Variants in SLC45A4 observed in about 807,000 individuals in gnomAD.
SLC45A4 encodes the protein polyamine-transporter SLC45A4.
SLC45A4 carries 32 observed loss-of-function variants against 63.7 expected under a neutral mutation model. That is an observed-to-expected ratio of 0.50 (90% CI 0.38 to 0.67). The LOEUF (loss-of-function observed/expected upper bound fraction) is 0.67. Among genes scored for constraint, SLC45A4 ranks in the 30% least tolerant of loss-of-function variants. The pLI, the probability that SLC45A4 is intolerant of heterozygous loss-of-function variation, is 0.00. For missense variants in SLC45A4, 1,027 were observed against 1,157.7 expected, an observed-to-expected ratio of 0.89 and a Z score of 1.64; for synonymous variants, 535 against 510.0, an observed-to-expected ratio of 1.05 and a Z score of -0.66.
At chr8:141,268,727 T>C (rs1290797251) in intron 1 of SLC45A4, among the ~76,000 whole-genome samples, 2 of 152,182 alleles carry the variant, frequency 1.3e-5, no homozygotes, top group Non-Finnish European at 2.9e-5. Context: ...AAACTCTTCA[T>C]GAGAAAGGAA....
intron 2 of SLC45A4, among the ~76,000 whole-genome samples, chr8:141,222,220 C>T (rs979129077): frequency 1.2e-4 from 19 of 152,242 alleles, no homozygotes; most frequent in Admixed American, 1.2e-3. Flanking sequence ...AAGAGCAGGA[C>T]GGTGACTGCA....
intron 1 of SLC45A4, among the ~76,000 whole-genome samples, chr8:141,272,698 T>G (rs1829587402): frequency 6.6e-6 from 1 of 152,126 alleles, no homozygotes; most frequent in African/African-American, 2.4e-5. Context: ...CTCTGCCCGC[T>G]GCCCCTCAGT....
Position 141,212,260 on chromosome 8 carries a change from C to T in SLC45A4, c.2238G>A (p.Lys746=), listed in dbSNP as rs1043084414. 5 of 1,589,804 alleles carry T rather than the reference C, an allele frequency of 3.1e-6. No homozygotes were observed. The African/African-American group carries it at 6.7e-5, about 21-fold the overall frequency. The part of the protein sequence containing the change: ...GEGRAGGNSE[K]PTVLKLTRKE... ...TCCGCGTGAGCTTCAGCACGGTGGG[C>T]TTTTCGCTGTTCCCACCGGCCCTGC... The change falls in exon 8 of 9, where the codon AAG becomes AAA. Residue 746 remains lysine (K), a synonymous_variant. Transcript: ENST00000517878.
intron 1 of SLC45A4, among the ~76,000 whole-genome samples, chr8:141,299,580 T>C (rs1485836969): frequency 6.6e-6 from 1 of 152,114 alleles, no homozygotes; most frequent in African/African-American, 2.4e-5. Flanking sequence ...CAGCAGAGGG[T>C]GGTGGTGCGC....
chr8:141,218,616 CG>C lies in SLC45A4; in HGVS notation c.1023del (p.Ala342ProfsTer37). 6.2e-7 allele frequency: 1 copy of C among 1,613,234 alleles called. No homozygotes were observed. Among genetic ancestry groups the C allele is most frequent in the Non-Finnish European group, 8.5e-7 (1 of 1,179,894 alleles). ...EPSIFHDASYPATPRSTSQEL... is the reference protein window; with the variant it reads ...EPSIFHDASYXATPRSTSQEL... ...TCCTGGCTGGTGCTGCGGGGGGTGGCGGGGTAGGAGGCGTCGTGGAAGATGG... is the reference window on the plus strand; with the variant it reads ...TCCTGGCTGGTGCTGCGGGGGGTGGCGGGTAGGAGGCGTCGTGGAAGATGG... On this transcript the variant is annotated frameshift_variant, in exon 5 of 9. Coordinates refer to ENST00000517878, the MANE Select transcript of SLC45A4 (RefSeq NM_001286646.2). LOFTEE classifies it high-confidence loss of function.
intron 1 of SLC45A4, among the ~76,000 whole-genome samples, chr8:141,289,521 A>G (rs1830272554): frequency 6.6e-6 from 1 of 152,136 alleles, no homozygotes; most frequent in South Asian, 2.1e-4. Context: ...GTTTTATTTG[A>G]AGAGTGCAGA....
intron 5 of SLC45A4, 23 bp from the exon 6 acceptor site, chr8:141,217,212 G>T: frequency 6.2e-7 from 1 of 1,609,706 alleles, no homozygotes; most frequent in Non-Finnish European, 8.5e-7. Context: ...TGAGACGGGG[G>T]CTGACGAGGG....
intron 1 of SLC45A4, among the ~76,000 whole-genome samples, chr8:141,284,416 T>C (rs530235160): frequency 6.6e-6 from 1 of 152,276 alleles, no homozygotes; most frequent in East Asian, 1.9e-4. Context: ...CCCCCAGCAC[T>C]CCACGGCCAT....
chr8:141,264,371 C>G (rs1033928004), intron 1 of SLC45A4, among the ~76,000 whole-genome samples: 4 of 152,160 alleles, frequency 2.6e-5, no homozygotes, highest in Non-Finnish European at 5.9e-5. Flanking sequence ...TTTCTCAAGG[C>G]TGCAATCTGT....
At chr8:141,259,942 T>C (rs1190546242) in intron 1 of SLC45A4, among the ~76,000 whole-genome samples, 1 of 152,170 alleles carries the variant, frequency 6.6e-6, no homozygotes, top group Non-Finnish European at 1.5e-5. Context: ...TGGAAAACCA[T>C]TCCCCACCCC....
chr8:141,270,693 A>G (rs4961346), intron 1 of SLC45A4, among the ~76,000 whole-genome samples: 44,488 of 152,026 alleles, frequency 0.29, 6,866 homozygotes, highest in East Asian at 0.48. Context: ...TGACCCTCGC[A>G]GACTCGCCCA....
At chr8:141,302,496 G>T (rs920997525) in intron 1 of SLC45A4, among the ~76,000 whole-genome samples, 1 of 151,768 alleles carries the variant, frequency 6.6e-6, no homozygotes, top group Non-Finnish European at 1.5e-5. Context: ...ACCACACTTG[G>T]CTAATTTTTG....
At position 141,218,545 on chromosome 8, in the gene SLC45A4, T is replaced by C. The variant is rs886969962; in HGVS notation, c.1095A>G (p.Glu365=). The part of the protein sequence containing the change: ...KLPRLATFLK[E]AAKEDETLLD... The stretch of plus-strand genomic sequence containing the variant: ...GCAAGGTCTCGTCCTCCTTGGCGGC[T>C]TCCTTGAGGAAGGTGGCCAGGCGGG... Residue 365 remains glutamate (E), a synonymous_variant, in exon 5 of 9, where the codon GAA becomes GAG. Transcript: ENST00000517878. 2 of 1,613,620 alleles carry C rather than the reference T, an allele frequency of 1.2e-6. No homozygotes were observed. The highest frequency in any genetic ancestry group is 1.7e-6 in the Non-Finnish European group (2 of 1,179,956).
At chr8:141,250,109 G>C (rs1001724754) in intron 2 of SLC45A4, among the ~76,000 whole-genome samples, 1 of 152,172 alleles carries the variant, frequency 6.6e-6, no homozygotes, top group Non-Finnish European at 1.5e-5. Context: ...CTATGGAACA[G>C]ACACCCCTAC....
intron 1 of SLC45A4, among the ~76,000 whole-genome samples, chr8:141,289,216 A>G (rs1830263262): frequency 6.6e-6 from 1 of 151,618 alleles, no homozygotes; most frequent in Admixed American, 6.6e-5. Flanking sequence ...GGGAGTGCAC[A>G]CTGCACTTTC....
intron 7 of SLC45A4, among the ~76,000 whole-genome samples, chr8:141,213,303 G>T (rs748145220): frequency 6.6e-6 from 1 of 152,178 alleles, no homozygotes; most frequent in South Asian, 2.1e-4. Flanking sequence ...AAGCGTACAC[G>T]GAACATTTAC....
intron 5 of SLC45A4, 59 bp downstream of exon 5, chr8:141,217,949 GCTT>G: frequency 6.6e-7 from 1 of 1,510,994 alleles, no homozygotes; most frequent in Non-Finnish European, 8.9e-7. Flanking sequence ...CAGCCCGTGA[GCTT>G]CTCCGTGAGC....
At chr8:141,273,574 A>G (rs1829619974) in intron 1 of SLC45A4, among the ~76,000 whole-genome samples, 1 of 152,152 alleles carries the variant, frequency 6.6e-6, no homozygotes, top group Non-Finnish European at 1.5e-5. Context: ...GCTAAATGGT[A>G]TCCAAACATG....
chr8:141,232,084 C>T (rs993596454), intron 2 of SLC45A4, among the ~76,000 whole-genome samples: 3 of 152,260 alleles, frequency 2.0e-5, no homozygotes, highest in Non-Finnish European at 4.4e-5. Context: ...TCTCCTCTGC[C>T]GCTGGCCTAC....
Sources: allele counts gnomAD v4.1 joint callset (sites outside exome capture counted in the v4.1 genomes callset), GRCh38; gene constraint gnomAD v4.1.1; transcripts MANE v1.5; gene names NCBI Gene and HGNC (gene_info 2026-07-23, HGNC 2026-07-21).